The following TSPAN14 variants were observed in gnomAD, a reference collection of about 807,000 sequenced individuals.
The protein encoded by TSPAN14 is tetraspanin 14, also known as tetraspanin-14.
TSPAN14 carries 16 observed loss-of-function variants against 36.6 expected under a neutral mutation model. The ratio of observed to expected loss-of-function variants is 0.44; its 90% CI spans 0.30 to 0.66. The LOEUF (loss-of-function observed/expected upper bound fraction) is 0.66. Among genes scored for constraint, TSPAN14 ranks in the 30% least tolerant of loss-of-function variants. The probability of loss-of-function intolerance (pLI) is 0.12; values close to 1 mark genes in which losing one functional copy is unlikely to be tolerated. For missense variants in TSPAN14, 231 were observed against 355.1 expected, an observed-to-expected ratio of 0.65 and a Z score of 2.81; for synonymous variants, 139 against 143.8, an observed-to-expected ratio of 0.97 and a Z score of 0.24.
At chr10:80,467,055 G>A (rs1350046879) in intron 1 of TSPAN14, among the ~76,000 whole-genome samples, 1 of 152,324 alleles carries the variant, frequency 6.6e-6, no homozygotes, top group East Asian at 1.9e-4. Flanking sequence ...TGTGGGGTGA[G>A]TGACTTAACC....
In TSPAN14 at chr10:80,508,146, C is replaced by T. The variant is rs71483308; in HGVS notation, c.279+772C>T. Among the ~76,000 whole-genome samples the T allele has an allele frequency of 9.6e-3, 1,408 of 147,276 alleles. 7 individuals carry two copies. The highest frequency in any genetic ancestry group is 0.015 in the Non-Finnish European group (1,030 of 67,516). On this transcript the variant is annotated intron_variant, in intron 4 of 8. Transcript: ENST00000429989. ...TTTTTTTTTTTTTGATACCGAGTCTCGCTCTGTTGCCCAGGCTGGAGTGCA... is the reference window on the plus strand; with the variant it reads ...TTTTTTTTTTTTTGATACCGAGTCTTGCTCTGTTGCCCAGGCTGGAGTGCA...
chr10:80,471,175 G>T (rs114389870), intron 1 of TSPAN14, among the ~76,000 whole-genome samples: 2,275 of 151,990 alleles, frequency 0.015, 47 homozygotes, highest in African/African-American at 0.052. Context: ...CTCTGAGTTG[G>T]TGTTTGTCTC....
At chr10:80,489,447 C>T (rs1847805553) in intron 2 of TSPAN14, 133 bp downstream of exon 2, 4 of 689,914 alleles carry the variant, frequency 5.8e-6, no homozygotes, top group Non-Finnish European at 1.0e-5. Context: ...TCAGTGACCC[C>T]TACCCTCACA....
chr10:80,475,260 C>T (rs184323377), intron 1 of TSPAN14, among the ~76,000 whole-genome samples: 18 of 152,260 alleles, frequency 1.2e-4, no homozygotes, highest in Admixed American at 1.2e-3. Context: ...AGATAATGAG[C>T]TTTTCTGTAA....
At chr10:80,499,863 G>C (rs1212095973) in intron 2 of TSPAN14, among the ~76,000 whole-genome samples, 1 of 152,228 alleles carries the variant, frequency 6.6e-6, no homozygotes, top group African/African-American at 2.4e-5. Context: ...AGCTGGGCCG[G>C]AGCTGGGCCC....
chr10:80,479,825 T>C (rs1847149307), intron 1 of TSPAN14, among the ~76,000 whole-genome samples: 1 of 150,728 alleles, frequency 6.6e-6, no homozygotes, highest in Non-Finnish European at 1.5e-5. Context: ...TCCAATTCTG[T>C]GAAGAAAGTC....
At chr10:80,473,281 C>G (rs187624990) in intron 1 of TSPAN14, among the ~76,000 whole-genome samples, 5 of 152,190 alleles carry the variant, frequency 3.3e-5, no homozygotes, top group African/African-American at 1.2e-4. Context: ...CTCCTCTCAC[C>G]AGGTTAATGA....
exon 9 of TSPAN14, chr10:80,519,102 T>C (rs149850581): frequency 1.3e-5 from 2 of 152,794 alleles, no homozygotes; most frequent in Non-Finnish European, 2.9e-5. Context: ...CTGAAACTGT[T>C]GGCCAGGGCT....
intron 1 of TSPAN14, among the ~76,000 whole-genome samples, chr10:80,454,723 G>A (rs1845653795): frequency 6.6e-6 from 1 of 152,170 alleles, no homozygotes; most frequent in Admixed American, 6.5e-5. Flanking sequence ...GGGTGAGGGC[G>A]ACGGGAGCCT....
intron 4 of TSPAN14, among the ~76,000 whole-genome samples, chr10:80,507,989 C>T (rs1840383015): frequency 6.6e-6 from 1 of 151,062 alleles, no homozygotes; most frequent in Admixed American, 6.6e-5. Flanking sequence ...AAACTATGGG[C>T]TTTTTGTCCT....
intron 5 of TSPAN14, among the ~76,000 whole-genome samples, chr10:80,510,790 T>C (rs1003412878): frequency 2.6e-5 from 4 of 151,970 alleles, no homozygotes; most frequent in Admixed American, 6.6e-5. Flanking sequence ...AGGAGAATGG[T>C]GTGAACCCGG....
Position 80,483,296 on chromosome 10 carries a change from A to G in TSPAN14, c.-17-5921A>G, listed in dbSNP as rs1438457806. Among the ~76,000 whole-genome samples the G allele has an allele frequency of 2.0e-5, 3 of 152,210 alleles. No individual in the cohort carries two copies. In the East Asian group the frequency reaches 5.8e-4, roughly 29 times the overall value. On this transcript the variant is annotated intron_variant, in intron 1 of 8. Transcript: ENST00000429989. ...GGTAATGGTAAGTGTGATGCTGGAA[A>G]CCTTTTTGGAAAATCACTTGTAAGT...
intron 2 of TSPAN14, among the ~76,000 whole-genome samples, chr10:80,490,083 ATTAC>A (rs776526222): frequency 6.6e-6 from 1 of 152,184 alleles, no homozygotes; most frequent in Non-Finnish European, 1.5e-5. Flanking sequence ...AATAGTTGGA[ATTAC>A]TTTCTACTGC....
chr10:80,505,515 A>G (rs9633740), intron 3 of TSPAN14, among the ~76,000 whole-genome samples: 130,021 of 152,234 alleles, frequency 0.85, 55,896 homozygotes, highest in East Asian at 0.98. Flanking sequence ...TAGTGTCTTG[A>G]GCCTAGGCCT....
At chr10:80,460,195 G>A (rs1845904551) in intron 1 of TSPAN14, among the ~76,000 whole-genome samples, 1 of 152,174 alleles carries the variant, frequency 6.6e-6, no homozygotes. Context: ...TAGCCAAGGA[G>A]CGGAGTGTGG....
At chr10:80,493,430 A>G (rs1564731705) in intron 2 of TSPAN14, among the ~76,000 whole-genome samples, 1 of 152,240 alleles carries the variant, frequency 6.6e-6, no homozygotes, top group Non-Finnish European at 1.5e-5. Context: ...TGAAAGCAGG[A>G]TCTCGAAGAG....
intron 1 of TSPAN14, among the ~76,000 whole-genome samples, chr10:80,470,288 T>C (rs531526972): frequency 6.6e-6 from 1 of 152,318 alleles, no homozygotes; most frequent in African/African-American, 2.4e-5. Flanking sequence ...TTTCACCATA[T>C]TGGTCAGGCT....
At chr10:80,458,092 C>T (rs986416232) in intron 1 of TSPAN14, among the ~76,000 whole-genome samples, 5 of 152,300 alleles carry the variant, frequency 3.3e-5, no homozygotes, top group South Asian at 4.1e-4. Context: ...ATGTTCCATC[C>T]GCTACCTGGA....
intron 6 of TSPAN14, among the ~76,000 whole-genome samples, 184 bp downstream of exon 6, chr10:80,512,453 ACTGC>A (rs1422068378): frequency 1.3e-5 from 2 of 151,960 alleles, no homozygotes; most frequent in Admixed American, 1.3e-4. Flanking sequence ...TTCTAGGAAC[ACTGC>A]TTGCATGACC....
Sources: gnomAD v4.1 joint callset for allele counts (sites outside exome capture counted in the v4.1 genomes callset) on GRCh38, gnomAD v4.1.1 for gene constraint, MANE v1.5 for transcripts, NCBI Gene and HGNC (gene_info 2026-07-23, HGNC 2026-07-21) for gene names.